TSPAN9: variants seen among roughly 807,000 people sequenced by gnomAD.
TSPAN9 encodes tetraspanin 9.
In TSPAN9, 16 loss-of-function variants were observed where a neutral mutation model predicts 31.0. The ratio of observed to expected loss-of-function variants is 0.52; its 90% CI spans 0.35 to 0.78. The LOEUF is 0.78. Ranked by LOEUF, TSPAN9 falls within the 30% of genes least tolerant of loss-of-function variation. The pLI, the probability that TSPAN9 is intolerant of heterozygous loss-of-function variation, is 0.01. For synonymous variants in TSPAN9, 145 were observed against 121.6 expected, an observed-to-expected ratio of 1.19 and a Z score of -1.27; for missense variants, 272 against 312.5, an observed-to-expected ratio of 0.87 and a Z score of 0.98.
At chr12:3,227,802 C>T (rs936049939) in intron 3 of TSPAN9, among the ~76,000 whole-genome samples, 4 of 152,116 alleles carry the variant, frequency 2.6e-5, no homozygotes, top group African/African-American at 9.7e-5. Context: ...AGGAGGAAGC[C>T]GGTTGGCAGG....
intron 2 of TSPAN9, among the ~76,000 whole-genome samples, chr12:3,171,280 A>G (rs2098351705): frequency 6.6e-6 from 1 of 152,110 alleles, no homozygotes; most frequent in Non-Finnish European, 1.5e-5. Context: ...TGCAAGCTAT[A>G]GGAGGGCTTG....
At chr12:3,233,785 G>A (rs543631948) in intron 3 of TSPAN9, among the ~76,000 whole-genome samples, 4 of 152,276 alleles carry the variant, frequency 2.6e-5, no homozygotes, top group African/African-American at 4.8e-5. Context: ...CCTGCATCAC[G>A]GGGCAAGGAG....
chr12:3,206,177 T>A, intron 3 of TSPAN9: 1 of 401,022 alleles, frequency 2.5e-6, no homozygotes, highest in South Asian at 1.8e-5. Context: ...GGTGGCAGAC[T>A]CTGTGGCCAG....
intron 3 of TSPAN9, chr12:3,215,257 C>T (rs2098380773): frequency 1.3e-5 from 2 of 152,240 alleles, no homozygotes; most frequent in African/African-American, 2.4e-5. Flanking sequence ...TGTCCGTGCA[C>T]CAGCGCCGCA....
chr12:3,174,882 T>A (rs568009066), intron 2 of TSPAN9, among the ~76,000 whole-genome samples: 52 of 152,340 alleles, frequency 3.4e-4, no homozygotes, highest in African/African-American at 1.2e-3. Flanking sequence ...GCACCCGGCC[T>A]CAGCTGTGGT....
intron 2 of TSPAN9, among the ~76,000 whole-genome samples, chr12:3,153,049 G>A (rs1391757539): frequency 2.0e-5 from 3 of 152,196 alleles, no homozygotes; most frequent in Non-Finnish European, 4.4e-5. Flanking sequence ...GTGCGTGCAC[G>A]CCTGCGCGTG....
At chr12:3,099,221 A>AT (rs1352910502) in intron 2 of TSPAN9, among the ~76,000 whole-genome samples, 2 of 151,732 alleles carry the variant, frequency 1.3e-5, no homozygotes, top group African/African-American at 4.8e-5. Flanking sequence ...TTTTTTCAGT[A>AT]TTTTTTCCTT....
intron 2 of TSPAN9, among the ~76,000 whole-genome samples, chr12:3,166,987 G>A (rs1359639532): frequency 1.3e-5 from 2 of 151,736 alleles, no homozygotes; most frequent in African/African-American, 4.9e-5. Flanking sequence ...AGTAGAGACG[G>A]GGTTTCACCA....
intron 2 of TSPAN9, among the ~76,000 whole-genome samples, chr12:3,185,102 A>G (rs1343714372): frequency 2.0e-5 from 3 of 152,110 alleles, no homozygotes; most frequent in South Asian, 2.1e-4. Context: ...GACCACTTCC[A>G]TCATGTTTGG....
At chr12:3,173,372 TC>T (rs2098353200) in intron 2 of TSPAN9, 2 of 152,436 alleles carry the variant, frequency 1.3e-5, no homozygotes, top group African/African-American at 4.8e-5. Flanking sequence ...ATGCCCTTTC[TC>T]TTCCCTCTGC....
chr12:3,181,596 C>T, intron 2 of TSPAN9, among the ~76,000 whole-genome samples: 1 of 152,096 alleles, frequency 6.6e-6, no homozygotes, highest in Admixed American at 6.6e-5. Flanking sequence ...TAAGTAACAC[C>T]TAATGAGCTC....
intron 3 of TSPAN9, among the ~76,000 whole-genome samples, chr12:3,257,945 G>A (rs1862380688): frequency 6.6e-6 from 1 of 152,152 alleles, no homozygotes; most frequent in South Asian, 2.1e-4. Context: ...CAGAGGTGTG[G>A]CCTGAGCAAA....
chr12:3,085,794 C>T (rs914405399), intron 2 of TSPAN9, among the ~76,000 whole-genome samples: 11 of 152,200 alleles, frequency 7.2e-5, no homozygotes, highest in African/African-American at 2.7e-4. Context: ...CTGGGCCTGC[C>T]TTCTGCCTCT....
chr12:3,125,505 A>T (rs2098326945), intron 2 of TSPAN9, among the ~76,000 whole-genome samples: 1 of 152,228 alleles, frequency 6.6e-6, no homozygotes, highest in South Asian at 2.1e-4. Flanking sequence ...ATTATTTTTA[A>T]AAAATAGGTA....
chr12:3,078,891 A>G (rs75473579), intron 1 of TSPAN9, among the ~76,000 whole-genome samples: 1,933 of 152,106 alleles, frequency 0.013, 32 homozygotes, highest in African/African-American at 0.033. Flanking sequence ...TTGATAAAGT[A>G]ATTTATAGTT....
At chr12:3,207,729 C>T (rs2098376065) in intron 3 of TSPAN9, among the ~76,000 whole-genome samples, 1 of 152,114 alleles carries the variant, frequency 6.6e-6, no homozygotes, top group South Asian at 2.1e-4. Flanking sequence ...CTTGCAGTGG[C>T]TAGCTCACTG....
intron 3 of TSPAN9, among the ~76,000 whole-genome samples, chr12:3,222,989 G>A (rs953757819): frequency 2.6e-5 from 4 of 152,162 alleles, no homozygotes; most frequent in East Asian, 3.9e-4. Context: ...GGGTGTGGGC[G>A]GGCTGTGCCA....
At chr12:3,116,921 C>A (rs922257347) in intron 2 of TSPAN9, among the ~76,000 whole-genome samples, 1 of 152,148 alleles carries the variant, frequency 6.6e-6, no homozygotes, top group Non-Finnish European at 1.5e-5. Flanking sequence ...TTTGTTGTTT[C>A]CTGGACTCAT....
At chr12:3,276,421 CCTCA>C (rs1862788001) in intron 3 of TSPAN9, among the ~76,000 whole-genome samples, 1 of 152,224 alleles carries the variant, frequency 6.6e-6, no homozygotes, top group Admixed American at 6.5e-5. Flanking sequence ...CCATGTGTCA[CCTCA>C]CTCACTGTTG....
Sources: allele counts gnomAD v4.1 joint callset (sites outside exome capture counted in the v4.1 genomes callset), GRCh38; gene constraint gnomAD v4.1.1; transcripts MANE v1.5; gene names NCBI Gene and HGNC (gene_info 2026-07-23, HGNC 2026-07-21).